TP63: variants seen among roughly 807,000 people sequenced by gnomAD.
The protein encoded by TP63 is tumor protein 63.
Under a neutral mutation model 82.8 loss-of-function variants are expected in TP63, and 17 were observed. The observed-to-expected ratio is 0.21, with a 90% CI of 0.14 to 0.31. TP63 has a LOEUF of 0.31. Among genes scored for constraint, TP63 ranks in the 10% least tolerant of loss-of-function variants. The probability of loss-of-function intolerance (pLI) is 1.00; values close to 1 mark genes in which losing one functional copy is unlikely to be tolerated. For missense variants in TP63, 648 were observed against 895.3 expected (o/e 0.72, Z 3.52); for synonymous variants, 330 against 321.7 (o/e 1.03, Z -0.28).
intron 1 of TP63, among the ~76,000 whole-genome samples, chr3:189,703,023 C>T (rs1245746323): frequency 1.3e-5 from 2 of 152,206 alleles, no homozygotes. Context: ...ATTGTCATTT[C>T]CATTTTGCAG....
intron 1 of TP63, among the ~76,000 whole-genome samples, chr3:189,684,193 A>G (rs1442400720): frequency 1.3e-5 from 2 of 152,202 alleles, no homozygotes; most frequent in Non-Finnish European, 2.9e-5. Context: ...TTCAACATTT[A>G]TTTGGTACCT....
At chr3:189,657,508 A>G (rs934557476) in intron 1 of TP63, among the ~76,000 whole-genome samples, 1 of 152,156 alleles carries the variant, frequency 6.6e-6, no homozygotes, top group Non-Finnish European at 1.5e-5. Flanking sequence ...CAAAAGAACT[A>G]GACATAAAAA....
rs112772490 is a variant in TP63, at chr3:189,839,059, A to G, written c.580-25173A>G. Among the ~76,000 whole-genome samples, 746 of 136,762 alleles carry G rather than the reference A, an allele frequency of 5.5e-3. 6 individuals are homozygous for G. The highest frequency in any genetic ancestry group is 0.011 in the South Asian group (45 of 3,994). The allele number at this position is 136,762 out of a possible 152,430, so 89.7% of individuals were successfully genotyped here. Reference sequence around the variant, plus strand: ...CTAAGCTAAAAAAAAAAAAAAAAAAAAAAAAGAAAAAGAAAAAGTAGATTT... The same window carrying G: ...CTAAGCTAAAAAAAAAAAAAAAAAAGAAAAAGAAAAAGAAAAAGTAGATTT... On this transcript the variant is annotated intron_variant, in intron 4 of 13. Transcript: ENST00000264731.
chr3:189,885,433 A>G (rs761738231), intron 10 of TP63, among the ~76,000 whole-genome samples: 1 of 152,230 alleles, frequency 6.6e-6, no homozygotes, highest in Non-Finnish European at 1.5e-5. Context: ...TGTAGTTTAT[A>G]TAGTTTTCTT....
At chr3:189,600,886 A>G in the TP63 span, among the ~76,000 whole-genome samples, 2 of 152,242 alleles carry the variant, frequency 1.3e-5, no homozygotes, top group Non-Finnish European at 2.9e-5. Context: ...AGATCAGCAC[A>G]TATATAAATT....
At chr3:189,682,571 T>A (rs1158308451) in intron 1 of TP63, among the ~76,000 whole-genome samples, 64 of 22,620 alleles carry the variant, frequency 2.8e-3, no homozygotes, top group African/African-American at 9.5e-3. Flanking sequence ...TATATATATA[T>A]ATATATATAT....
At position 189,881,113 on chromosome 3, in the gene TP63, C is replaced by T. The variant is rs7645830; in HGVS notation, c.1350-5281C>T. The stretch of plus-strand genomic sequence containing the variant: ...AATTTGCTTAATTAGAGCTTCTATC[C>T]CTCAAGCCTACCTACCATAAAACCA... On this transcript the variant is annotated intron_variant, in intron 10 of 13. Transcript: ENST00000264731. 2.1e-3 allele frequency: 2,076 copies of T among 985,292 alleles called. 33 individuals are homozygous for T. The African/African-American group carries it at 0.034, about 16-fold the overall frequency. The allele number at this position is 985,292 out of a possible 1,614,324, so 61.0% of individuals were successfully genotyped here.
chr3:189,689,756 C>T (rs1185407584), intron 1 of TP63, among the ~76,000 whole-genome samples: 1 of 152,162 alleles, frequency 6.6e-6, no homozygotes, highest in Non-Finnish European at 1.5e-5. Context: ...TAAGGCCATA[C>T]ATAAGAGGAG....
intron 1 of TP63, among the ~76,000 whole-genome samples, chr3:189,680,733 T>C (rs1577228642): frequency 6.6e-6 from 1 of 151,950 alleles, no homozygotes; most frequent in Admixed American, 6.6e-5. Flanking sequence ...TCCACTGGAG[T>C]GAGCCTGGTG....
At chr3:189,609,280 C>T in the TP63 span, among the ~76,000 whole-genome samples, 4 of 152,060 alleles carry the variant, frequency 2.6e-5, no homozygotes, top group Admixed American at 6.5e-5. Flanking sequence ...TTCCCTTTTT[C>T]TCCTGAAAAA....
intron 4 of TP63, chr3:189,830,158 C>G (rs191182020): frequency 6.1e-6 from 1 of 165,218 alleles, no homozygotes; most frequent in Non-Finnish European, 1.4e-5. Context: ...TCAAGTATAT[C>G]TGGAGTTCAG....
At chr3:189,864,442 C>G in intron 5 of TP63, 24 bp downstream of exon 5, 1 of 1,603,754 alleles carries the variant, frequency 6.2e-7, no homozygotes, top group Non-Finnish European at 8.5e-7. Flanking sequence ...GAATCTCTAA[C>G]TGTTCAACCT....
chr3:189,774,164 C>T lies in TP63; in HGVS notation c.325-34108C>T, dbSNP rs770963280. Among the ~76,000 whole-genome samples the T allele has an allele frequency of 6.6e-5, 10 of 151,928 alleles. No homozygotes were observed. In the South Asian group the frequency reaches 8.3e-4, roughly 13 times the overall value. On this transcript the variant is annotated intron_variant, in intron 3 of 13. Coordinates refer to ENST00000264731, the MANE Select transcript of TP63 (RefSeq NM_003722.5). ...GTCTCGATCTCCTGATCTCGTGATC[C>T]GCCCGCCTCGGCCTCCCAAAGTGCT...
chr3:189,709,158 G>A (rs1297486314), intron 1 of TP63, among the ~76,000 whole-genome samples: 1 of 152,068 alleles, frequency 6.6e-6, no homozygotes, highest in Non-Finnish European at 1.5e-5. Flanking sequence ...ATGAATTTTT[G>A]TATGTAATTA....
chr3:189,829,926 C>T, intron 4 of TP63: 1 of 387,534 alleles, frequency 2.6e-6, no homozygotes, highest in Non-Finnish European at 5.2e-6. Context: ...ATTTATGTTC[C>T]AGACACATCT....
chr3:189,784,729 T>C (rs1469177646), intron 3 of TP63, among the ~76,000 whole-genome samples: 1 of 152,054 alleles, frequency 6.6e-6, no homozygotes, highest in African/African-American at 2.4e-5. Flanking sequence ...TTTCAGAACT[T>C]AGCTGGTCAC....
intron 3 of TP63, among the ~76,000 whole-genome samples, chr3:189,759,951 AAG>A (rs1400358730): frequency 1.3e-5 from 2 of 152,184 alleles, no homozygotes; most frequent in Non-Finnish European, 1.5e-5. Context: ...GCAGCAGGCA[AAG>A]AGAGAGCTTG....
chr3:189,815,143 T>C (rs1728037620), intron 4 of TP63, among the ~76,000 whole-genome samples: 1 of 152,242 alleles, frequency 6.6e-6, no homozygotes, highest in Admixed American at 6.5e-5. Flanking sequence ...TGTTAGTTAA[T>C]TTGGTTTTGT....
chr3:189,737,346 T>C (rs1236534616), intron 1 of TP63, among the ~76,000 whole-genome samples: 1 of 152,160 alleles, frequency 6.6e-6, no homozygotes, highest in Non-Finnish European at 1.5e-5. Flanking sequence ...GGGCAGATAA[T>C]CAGTTGAGAC....
Sources: gnomAD v4.1 joint callset for allele counts (sites outside exome capture counted in the v4.1 genomes callset) on GRCh38, gnomAD v4.1.1 for gene constraint, MANE v1.5 for transcripts, NCBI Gene and HGNC (gene_info 2026-07-23, HGNC 2026-07-21) for gene names.